LHFPL3: variants seen among roughly 807,000 people sequenced by gnomAD.
LHFPL3 encodes LHFPL tetraspan subfamily member 3, also known as LHFPL tetraspan subfamily member 3 protein.
A neutral mutation model predicts 19.3 loss-of-function variants in LHFPL3; 5 were observed. That is an observed-to-expected ratio of 0.26 (90% CI 0.14 to 0.54). LHFPL3 has a LOEUF of 0.54. LHFPL3 is among the 20% of genes least tolerant of loss of function. The probability of loss-of-function intolerance (pLI) is 0.94; values close to 1 mark genes in which losing one functional copy is unlikely to be tolerated. For synonymous variants in LHFPL3, 133 were observed against 126.2 expected, an observed-to-expected ratio of 1.05 and a Z score of -0.36; for missense variants, 249 against 307.4, an observed-to-expected ratio of 0.81 and a Z score of 1.42.
chr7:104,868,419 T>C (rs1432956268), intron 2 of LHFPL3, among the ~76,000 whole-genome samples: 2 of 152,144 alleles, frequency 1.3e-5, no homozygotes, highest in East Asian at 3.8e-4. Context: ...ATCACAAGCA[T>C]TCTTATACAC....
chr7:104,807,485 A>G (rs147014298), intron 2 of LHFPL3, among the ~76,000 whole-genome samples: 1 of 152,338 alleles, frequency 6.6e-6, no homozygotes, highest in African/African-American at 2.4e-5. Context: ...GAAAATGTAT[A>G]CGACTCCAAC....
intron 1 of LHFPL3, among the ~76,000 whole-genome samples, chr7:104,586,198 C>A (rs747609718): frequency 1.1e-4 from 16 of 151,886 alleles, no homozygotes; most frequent in Non-Finnish European, 2.1e-4. Context: ...GGAATTTGAG[C>A]CTAGGGAAAA....
chr7:104,566,035 C>T (rs138107847), intron 1 of LHFPL3, among the ~76,000 whole-genome samples: 1,817 of 152,116 alleles, frequency 0.012, 20 homozygotes, highest in Non-Finnish European at 0.019. Flanking sequence ...AAGCTCTAAT[C>T]AGTTTTGTGA....
intron 2 of LHFPL3, among the ~76,000 whole-genome samples, chr7:104,772,745 C>T (rs1794575435): frequency 6.6e-6 from 1 of 152,220 alleles, no homozygotes; most frequent in Non-Finnish European, 1.5e-5. Flanking sequence ...ATGTAAATGC[C>T]AGCCTCCATC....
intron 2 of LHFPL3, among the ~76,000 whole-genome samples, chr7:104,867,051 A>G (rs1468912631): frequency 1.3e-5 from 2 of 152,252 alleles, no homozygotes; most frequent in African/African-American, 4.8e-5. Context: ...ACAACATACC[A>G]GAATCTCTGG....
intron 1 of LHFPL3, among the ~76,000 whole-genome samples, chr7:104,674,848 A>C (rs895578555): frequency 7.2e-5 from 11 of 152,364 alleles, no homozygotes; most frequent in African/African-American, 2.6e-4. Context: ...CAAAATATAA[A>C]TCATGCATAA....
chr7:104,419,968 A>AAACAAC (rs113611808), intron 1 of LHFPL3, among the ~76,000 whole-genome samples: 3 of 152,018 alleles, frequency 2.0e-5, no homozygotes, highest in African/African-American at 7.3e-5. Flanking sequence ...ACAAACAAAC[A>AAACAAC]AACAACAACA....
intron 1 of LHFPL3, among the ~76,000 whole-genome samples, chr7:104,546,357 T>C (rs1475235494): frequency 1.3e-5 from 2 of 152,240 alleles, no homozygotes; most frequent in East Asian, 3.8e-4. Context: ...GTTAAACTAA[T>C]TTATCTTTAA....
chr7:104,553,235 T>C (rs1326689520), intron 1 of LHFPL3, among the ~76,000 whole-genome samples: 1 of 152,170 alleles, frequency 6.6e-6, no homozygotes, highest in Non-Finnish European at 1.5e-5. Context: ...ACATTTCACA[T>C]TCTTAGAGTT....
At chr7:104,437,250 T>A (rs1792126894) in intron 1 of LHFPL3, among the ~76,000 whole-genome samples, 1 of 152,216 alleles carries the variant, frequency 6.6e-6, no homozygotes, top group Admixed American at 6.5e-5. Flanking sequence ...TTGAAACTAT[T>A]GTGGAGATTC....
Position 104,417,877 on chromosome 7 carries a change from TC to T in LHFPL3, c.445+88654del, listed in dbSNP as rs1562890984. Among the ~76,000 whole-genome samples the T allele has an allele frequency of 2.7e-3, 340 of 125,758 alleles. 3 individuals carry two copies. The highest frequency in any genetic ancestry group is 0.011 in the African/African-American group (320 of 30,286). The allele number at this position is 125,758 out of a possible 152,430, so 82.5% of individuals were successfully genotyped here. A position where few individuals can be genotyped will look rare whatever the true frequency, so the allele number is the denominator to read the frequency against. On this transcript the variant is annotated intron_variant, in intron 1 of 2. Coordinates refer to ENST00000424859, the MANE Select transcript of LHFPL3 (RefSeq NM_199000.3). Reference sequence around the variant, plus strand: ...TTCTAATTCTTCTTCTTCTTCTTCTTCTTCTTCTTTTTTTTTTTTTTTTGAG... The same window carrying T: ...TTCTAATTCTTCTTCTTCTTCTTCTTTTCTTCTTTTTTTTTTTTTTTTGAG...
chr7:104,674,568 C>T (rs1231167565), intron 1 of LHFPL3, among the ~76,000 whole-genome samples: 1 of 151,966 alleles, frequency 6.6e-6, no homozygotes, highest in East Asian at 1.9e-4. Flanking sequence ...GGAGTTTCAC[C>T]ATGTTGGCCA....
intron 1 of LHFPL3, among the ~76,000 whole-genome samples, chr7:104,420,997 C>A (rs894193857): frequency 4.6e-5 from 7 of 152,172 alleles, no homozygotes; most frequent in Admixed American, 3.9e-4. Flanking sequence ...AGGAATCAGA[C>A]AGATGGGCCA....
chr7:104,455,960 A>C (rs568965222), intron 1 of LHFPL3, among the ~76,000 whole-genome samples: 1 of 151,594 alleles, frequency 6.6e-6, no homozygotes, highest in African/African-American at 2.4e-5. Context: ...GAGTTTTTAA[A>C]ATTATTTTTT....
At chr7:104,525,432 C>G (rs1402193051) in intron 1 of LHFPL3, among the ~76,000 whole-genome samples, 5 of 151,904 alleles carry the variant, frequency 3.3e-5, no homozygotes, top group Non-Finnish European at 4.4e-5. Context: ...GACAGAAACC[C>G]AAGTCAGTTA....
At chr7:104,356,834 C>T (rs1336784009) in intron 1 of LHFPL3, among the ~76,000 whole-genome samples, 2 of 152,184 alleles carry the variant, frequency 1.3e-5, no homozygotes, top group Admixed American at 6.5e-5. Flanking sequence ...GAGCCCATAA[C>T]CCCTGGCCCA....
At chr7:104,609,088 A>T (rs1791162068) in intron 1 of LHFPL3, among the ~76,000 whole-genome samples, 1 of 151,862 alleles carries the variant, frequency 6.6e-6, no homozygotes, top group South Asian at 2.1e-4. Flanking sequence ...AACATGGTGA[A>T]ACCCTGTATC....
At chr7:104,720,527 C>T (rs995264901) in intron 1 of LHFPL3, among the ~76,000 whole-genome samples, 4 of 152,116 alleles carry the variant, frequency 2.6e-5, no homozygotes, top group African/African-American at 7.2e-5. Flanking sequence ...CAACAAAAAC[C>T]GAAATTGACA....
At chr7:104,460,864 A>G (rs886699739) in intron 1 of LHFPL3, among the ~76,000 whole-genome samples, 12 of 151,928 alleles carry the variant, frequency 7.9e-5, no homozygotes, top group Non-Finnish European at 1.8e-4. Context: ...CTGTTTGTCA[A>G]TTTTTGCTTT....
Sources: allele counts gnomAD v4.1 joint callset (sites outside exome capture counted in the v4.1 genomes callset), GRCh38; gene constraint gnomAD v4.1.1; transcripts MANE v1.5; gene names NCBI Gene and HGNC (gene_info 2026-07-23, HGNC 2026-07-21).